NUDT6: variants seen among roughly 807,000 people sequenced by gnomAD.
NUDT6 encodes FAD diphosphatase NUDT6.
A neutral mutation model predicts 36.8 loss-of-function variants in NUDT6; 24 were observed. The observed-to-expected ratio is 0.65, with a 90% CI of 0.47 to 0.92. The LOEUF (loss-of-function observed/expected upper bound fraction) is 0.92, where lower values mean the gene tolerates loss of function less well. Among genes scored for constraint, NUDT6 ranks in the 40% least tolerant of loss-of-function variants. NUDT6 has a pLI of 0.00. For synonymous variants in NUDT6, 163 were observed against 157.0 expected, an observed-to-expected ratio of 1.04 and a Z score of -0.29; for missense variants, 388 against 392.8, an observed-to-expected ratio of 0.99 and a Z score of 0.10.
intron 3 of NUDT6, among the ~76,000 whole-genome samples, chr4:122,902,852 T>C (rs1452399844): frequency 6.6e-6 from 1 of 152,158 alleles, no homozygotes; most frequent in African/African-American, 2.4e-5. Flanking sequence ...TTTGTGCATA[T>C]GCTCGTGTTG....
chr4:122,910,005 T>A (rs1187200542), intron 3 of NUDT6, among the ~76,000 whole-genome samples: 1 of 152,218 alleles, frequency 6.6e-6, no homozygotes, highest in Non-Finnish European at 1.5e-5. Context: ...CTAAGAAACA[T>A]TTCAGAAAAC....
chr4:122,911,969 C>G (rs1216150872), intron 3 of NUDT6, among the ~76,000 whole-genome samples: 3 of 152,186 alleles, frequency 2.0e-5, no homozygotes, highest in Non-Finnish European at 4.4e-5. Context: ...TAAACTATGT[C>G]AGTCCCTTTC....
intron 2 of NUDT6, among the ~76,000 whole-genome samples, chr4:122,915,054 G>A (rs1367375121): frequency 6.6e-6 from 1 of 152,132 alleles, no homozygotes; most frequent in Non-Finnish European, 1.5e-5. Flanking sequence ...AGACACTTGA[G>A]CAGAAACTTC....
intron 4 of NUDT6, chr4:122,893,488 G>T: frequency 3.1e-6 from 1 of 320,798 alleles, no homozygotes; most frequent in Admixed American, 4.6e-5. Context: ...ACATTTTTGG[G>T]GTCAGCTCTT....
At chr4:122,897,375 C>A in intron 4 of NUDT6, 1 of 464,596 alleles carries the variant, frequency 2.2e-6, no homozygotes, top group Non-Finnish European at 3.9e-6. Flanking sequence ...CAGATTAATC[C>A]AGAAGCAGTC....
At chr4:122,893,342 G>A (rs1727248628) in intron 4 of NUDT6, 117 bp from the exon 5 acceptor site, 2 of 963,436 alleles carry the variant, frequency 2.1e-6, no homozygotes, top group Non-Finnish European at 2.9e-6. Context: ...CCCTAACAAA[G>A]TAAAGTTTTC....
chr4:122,922,246 T>C, intron 1 of NUDT6, 89 bp downstream of exon 1: 2 of 1,140,250 alleles, frequency 1.8e-6, no homozygotes, highest in Non-Finnish European at 2.5e-6. Context: ...TCGACAGTGG[T>C]GCACAGAGCG....
intron 1 of NUDT6, chr4:122,921,743 AC>A (rs1163927690): frequency 3.3e-5 from 5 of 152,188 alleles, no homozygotes; most frequent in Admixed American, 3.3e-4. Context: ...TAGCTCATAT[AC>A]CCCATAAACA....
chr4:122,899,848 C>T lies in NUDT6; in HGVS notation c.499-2170G>A, dbSNP rs568001031. Among the ~76,000 whole-genome samples the T allele has an allele frequency of 1.4e-3, 211 of 152,140 alleles. 5 individuals are homozygous for T. In the South Asian group the frequency reaches 0.027, roughly 19 times the overall value. On this transcript the variant is annotated intron_variant, in intron 3 of 4. Coordinates refer to ENST00000304430, the MANE Select transcript of NUDT6 (RefSeq NM_007083.5). ...GCCAGGTCTGACCCACAGTCTCTGA[C>T]TGAATGACGGATGAAAAAATGCACT...
chr4:122,893,354 ATAC>A lies in NUDT6; in HGVS notation c.554-132_554-130del, dbSNP rs1727249470. 11 of 851,934 alleles carry A rather than the reference ATAC, an allele frequency of 1.3e-5. No homozygotes were observed. The Admixed American group carries it at 1.3e-4, about 10-fold the overall frequency. 52.8% of individuals were successfully genotyped at this position (851,934 alleles called of 1,614,324 possible). A position where few individuals can be genotyped will look rare whatever the true frequency, so the allele number is the denominator to read the frequency against. On this transcript the variant is annotated intron_variant, in intron 4 of 4. Coordinates refer to ENST00000304430, the MANE Select transcript of NUDT6 (RefSeq NM_007083.5). ...TTACCCTAACAAAGTAAAGTTTTCAATACAAATTCTTTGCCTTGTGGATATCAA... is the reference window on the plus strand; with the variant it reads ...TTACCCTAACAAAGTAAAGTTTTCAAAAATTCTTTGCCTTGTGGATATCAA...
intron 3 of NUDT6, among the ~76,000 whole-genome samples, chr4:122,907,659 C>T (rs1305897123): frequency 6.6e-6 from 1 of 151,948 alleles, no homozygotes; most frequent in Non-Finnish European, 1.5e-5. Flanking sequence ...ATGTGTTAGC[C>T]AGGTTGGTCT....
intron 3 of NUDT6, among the ~76,000 whole-genome samples, chr4:122,908,084 C>A (rs963058366): frequency 6.6e-6 from 1 of 150,490 alleles, no homozygotes; most frequent in Non-Finnish European, 1.5e-5. Flanking sequence ...ACTGAATGGA[C>A]CCCCTCTTGA....
chr4:122,922,473 C>T lies in NUDT6; in HGVS notation c.100G>A (p.Gly34Ser), dbSNP rs1381161250. Residue 34 changes from glycine (G) to serine (S), a missense_variant, in exon 1 of 5, where the codon GGT becomes AGT. Physicochemically the swap from Gly to Ser is moderately conservative, Grantham distance 56. Coordinates refer to ENST00000304430, the MANE Select transcript of NUDT6 (RefSeq NM_007083.5). ...CCAACTGGCGGATTCCGCACGTAAC[C>T]CTGTGCGCCCGAGGCCCAGCGGTAA... ...AGYRWASGAQ[G>S]YVRNPPVGAC... 6.2e-7 allele frequency: 1 copy of T among 1,611,830 alleles called. No individual in the cohort carries two copies. The highest frequency in any genetic ancestry group is 1.1e-5 in the South Asian group (1 of 91,070).
chr4:122,894,388 C>G (rs1399741235), intron 4 of NUDT6: 1 of 152,344 alleles, frequency 6.6e-6, no homozygotes, highest in Admixed American at 6.5e-5. Context: ...CCCAGGAGTT[C>G]AAGACCAACC....
intron 4 of NUDT6, chr4:122,894,958 C>G (rs1449259178): frequency 6.6e-6 from 1 of 152,104 alleles, no homozygotes; most frequent in Non-Finnish European, 1.5e-5. Flanking sequence ...GTTTCTATGT[C>G]GTGGAAGCAC....
chr4:122,895,147 A>G (rs1302789222), intron 4 of NUDT6: 2 of 152,196 alleles, frequency 1.3e-5, no homozygotes, highest in Non-Finnish European at 2.9e-5. Context: ...CCACCTCAAG[A>G]TGGATATTTC....
intron 3 of NUDT6, among the ~76,000 whole-genome samples, chr4:122,910,385 T>A (rs1259641159): frequency 6.6e-6 from 1 of 152,156 alleles, no homozygotes; most frequent in Non-Finnish European, 1.5e-5. Flanking sequence ...CAGATTCCAA[T>A]GCAGTTTTTA....
At position 122,906,547 on chromosome 4, in the gene NUDT6, C is replaced by T. The variant is rs80025090; in HGVS notation, c.498+6021G>A. Among the ~76,000 whole-genome samples, 991 of 152,196 alleles carry T rather than the reference C, an allele frequency of 6.5e-3. 15 individuals carry two copies. Among genetic ancestry groups the T allele is most frequent in the African/African-American group, 0.022 (903 of 41,526 alleles). ...TGGACCTGGAAAGTAGGAAGTGTCACGTATTCTAGATGTCCTAGTAAGACA... is the reference window on the plus strand; with the variant it reads ...TGGACCTGGAAAGTAGGAAGTGTCATGTATTCTAGATGTCCTAGTAAGACA... On this transcript the variant is annotated intron_variant, in intron 3 of 4. Transcript: ENST00000304430.
intron 1 of NUDT6, 59 bp from the exon 2 acceptor site, chr4:122,917,763 A>T: frequency 6.6e-7 from 1 of 1,525,458 alleles, no homozygotes; most frequent in Middle Eastern, 1.9e-4. Context: ...AATAAATTAA[A>T]ACTCACCTCA....
Sources: allele counts gnomAD v4.1 joint callset (sites outside exome capture counted in the v4.1 genomes callset), GRCh38; gene constraint gnomAD v4.1.1; transcripts MANE v1.5; gene names NCBI Gene and HGNC (gene_info 2026-07-23, HGNC 2026-07-21).